The following PTPRK variants were observed in gnomAD, a reference collection of about 807,000 sequenced individuals.
PTPRK encodes receptor-type tyrosine-protein phosphatase kappa.
In PTPRK, 75 loss-of-function variants were observed where a neutral mutation model predicts 178.0. The ratio of observed to expected loss-of-function variants is 0.42; its 90% confidence interval spans 0.35 to 0.51. The LOEUF (loss-of-function observed/expected upper bound fraction) is 0.51, where lower values mean the gene tolerates loss of function less well. PTPRK is among the 20% of genes least tolerant of loss of function. The pLI is 0.02. For missense variants in PTPRK, 1,441 were observed against 1,797.8 expected, an observed-to-expected ratio of 0.80 and a Z score of 3.59; for synonymous variants, 637 against 620.6, an observed-to-expected ratio of 1.03 and a Z score of -0.39.
At chr6:128,241,216 G>A in intron 4 of PTPRK, 1 of 533,144 alleles carries the variant, frequency 1.9e-6, no homozygotes, top group Non-Finnish European at 3.8e-6. Context: ...TTTCTCTAGT[G>A]ACTTACCTCT....
Position 128,322,083 on chromosome 6 carries a change from G to C in PTPRK, c.451C>G (p.Arg151Gly), listed in dbSNP as rs752830168. 2 of 1,613,756 alleles carry C rather than the reference G, an allele frequency of 1.2e-6. No individual in the cohort carries two copies. Among genetic ancestry groups the C allele is most frequent in the African/African-American group, 2.7e-5 (2 of 74,876 alleles). Residue 151 changes from arginine to glycine, a missense_variant, in exon 3 of 30, where the codon CGG becomes GGG. Transcript: ENST00000368226. ...AAGGTGCTCACTGCTAGCTCAGCCCGAAGCCAATCTCTACCCGTGAATCCA... is the reference window on the plus strand; with the variant it reads ...AAGGTGCTCACTGCTAGCTCAGCCCCAAGCCAATCTCTACCCGTGAATCCA... The part of the protein sequence containing the change: ...VTGFTGRDWL[R>G]AELAVSTFWP...
chr6:128,437,879 G>C (rs868772895), intron 1 of PTPRK, among the ~76,000 whole-genome samples: 3 of 152,176 alleles, frequency 2.0e-5, no homozygotes, highest in South Asian at 2.1e-4. Flanking sequence ...TTCCCAGAAG[G>C]GCAGGGTTAA....
At chr6:128,131,314 A>T (rs1794198462) in intron 7 of PTPRK, among the ~76,000 whole-genome samples, 2 of 152,190 alleles carry the variant, frequency 1.3e-5, no homozygotes, top group African/African-American at 4.8e-5. Context: ...GGTAGCAAAA[A>T]ACATGGGTGA....
At position 128,326,937 on chromosome 6, in the gene PTPRK, T is replaced by C. The variant is rs74458986; in HGVS notation, c.224-4627A>G. ...ACACAAGCGTGTTTTTTAAATCTTT[T>C]AAAAATAAATTCTATTTGTATTTAT... On this transcript the variant is annotated intron_variant, in intron 2 of 29. Coordinates refer to ENST00000368226, the MANE Select transcript of PTPRK (RefSeq NM_002844.4). Among the ~76,000 whole-genome samples the C allele has an allele frequency of 1.4e-3, 206 of 152,162 alleles. 5 individuals carry two copies. In the East Asian group the frequency reaches 0.03, roughly 22 times the overall value.
chr6:128,293,614 T>A (rs1823770964), intron 3 of PTPRK, among the ~76,000 whole-genome samples: 1 of 152,072 alleles, frequency 6.6e-6, no homozygotes, highest in African/African-American at 2.4e-5. Flanking sequence ...ATACCAAACA[T>A]CACTTACCAG....
chr6:128,294,681 A>C (rs1210373856), intron 3 of PTPRK, among the ~76,000 whole-genome samples: 1 of 152,136 alleles, frequency 6.6e-6, no homozygotes, highest in African/African-American at 2.4e-5. Flanking sequence ...ATATATCTGC[A>C]GTAAAAAACA....
chr6:128,000,191 T>C, intron 15 of PTPRK: 1 of 1,018,454 alleles, frequency 9.8e-7, no homozygotes, highest in Non-Finnish European at 1.2e-6. Context: ...TTAATGATAA[T>C]GCATACTGTA....
intron 15 of PTPRK, chr6:128,000,299 ATTG>A (rs1777666083): frequency 2.3e-6 from 3 of 1,302,978 alleles, no homozygotes; most frequent in East Asian, 4.8e-5. Context: ...CAAAAAATGA[ATTG>A]TTGTCCCCAT....
intron 2 of PTPRK, among the ~76,000 whole-genome samples, chr6:128,359,747 G>A (rs1298046232): frequency 2.7e-5 from 4 of 150,402 alleles, no homozygotes; most frequent in Admixed American, 6.6e-5. Flanking sequence ...AGCGAAACTC[G>A]GTCTCAAAAA....
chr6:128,182,555 T>C (rs941571443), intron 7 of PTPRK, among the ~76,000 whole-genome samples: 1 of 151,920 alleles, frequency 6.6e-6, no homozygotes, highest in African/African-American at 2.4e-5. Flanking sequence ...GCCTGGACAA[T>C]AGAGCAAGAC....
At chr6:128,168,747 T>C (rs1799781715) in intron 7 of PTPRK, among the ~76,000 whole-genome samples, 1 of 152,072 alleles carries the variant, frequency 6.6e-6, no homozygotes, top group Admixed American at 6.6e-5. Flanking sequence ...ATGGAAATAC[T>C]GTCTTCCATG....
chr6:128,088,866 A>G (rs753675985), intron 8 of PTPRK, among the ~76,000 whole-genome samples: 21 of 152,342 alleles, frequency 1.4e-4, no homozygotes, highest in Non-Finnish European at 1.8e-4. Flanking sequence ...AGGCCATTAT[A>G]TTAGACTTAC....
chr6:128,219,140 T>G (rs760805605), intron 5 of PTPRK, 44 bp from the exon 6 acceptor site: 259 of 1,519,540 alleles, frequency 1.7e-4, no homozygotes, highest in Non-Finnish European at 2.2e-4. Flanking sequence ...CTTACTATTT[T>G]CATAAATCTA....
At chr6:128,332,581 A>G (rs1830420342) in intron 2 of PTPRK, among the ~76,000 whole-genome samples, 1 of 152,254 alleles carries the variant, frequency 6.6e-6, no homozygotes, top group South Asian at 2.1e-4. Context: ...AGTAAAGAAA[A>G]TAAAACTAGA....
chr6:128,479,381 C>T lies in PTPRK; in HGVS notation c.100+40878G>A, dbSNP rs560471327. Among the ~76,000 whole-genome samples, 11 of 152,138 alleles carry T rather than the reference C, an allele frequency of 7.2e-5. No homozygotes were observed. In the South Asian group the frequency reaches 1.7e-3, roughly 23 times the overall value. On this transcript the variant is annotated intron_variant, in intron 1 of 29. Transcript: ENST00000368226. ...AGATCACTGCGAGCTTGCTTTAAGC[C>T]GTATGAACTAAATGGAGTTATAAAA...
intron 13 of PTPRK, among the ~76,000 whole-genome samples, chr6:128,037,463 G>A (rs1189233538): frequency 6.6e-6 from 1 of 152,126 alleles, no homozygotes; most frequent in Non-Finnish European, 1.5e-5. Context: ...CTCTCTTGGA[G>A]CCTCCTAGAA....
intron 1 of PTPRK, among the ~76,000 whole-genome samples, chr6:128,433,485 T>C (rs1845105246): frequency 6.6e-6 from 1 of 151,356 alleles, no homozygotes. Context: ...GCATTTCTAA[T>C]AGTTTTTTTT....
chr6:128,488,427 G>A (rs970261204), intron 1 of PTPRK, among the ~76,000 whole-genome samples: 4 of 152,048 alleles, frequency 2.6e-5, no homozygotes, highest in Admixed American at 1.3e-4. Flanking sequence ...CCTTCAATCC[G>A]ATCAAGTTGC....
intron 2 of PTPRK, among the ~76,000 whole-genome samples, chr6:128,391,860 T>C (rs1584497061): frequency 6.6e-6 from 1 of 152,146 alleles, no homozygotes; most frequent in African/African-American, 2.4e-5. Context: ...ACTCATATCA[T>C]TACTTAGGAA....
Sources: allele counts gnomAD v4.1 joint callset (sites outside exome capture counted in the v4.1 genomes callset), GRCh38; gene constraint gnomAD v4.1.1; transcripts MANE v1.5; gene names NCBI Gene and HGNC (gene_info 2026-07-23, HGNC 2026-07-21).